PARD3: variants seen among roughly 807,000 people sequenced by gnomAD.
PARD3 encodes the protein par-3 family cell polarity regulator, also known as partitioning defective 3 homolog.
In PARD3, 75 loss-of-function variants were observed where a neutral mutation model predicts 155.4. That is an observed-to-expected ratio of 0.48 (90% CI 0.40 to 0.58). PARD3 has a LOEUF of 0.58. Among genes scored for constraint, PARD3 ranks in the 20% least tolerant of loss-of-function variants. PARD3 has a pLI of 0.00. For synonymous variants in PARD3, 576 were observed against 610.5 expected (o/e 0.94, Z 0.83); for missense variants, 1,642 against 1,721.7 (o/e 0.95, Z 0.82).
At chr10:34,483,482 C>CAAA (rs35352038) in intron 3 of PARD3, among the ~76,000 whole-genome samples, 571 of 50,382 alleles carry the variant, frequency 0.011, 6 homozygotes, top group African/African-American at 0.037. Context: ...ACTCTGTCAC[C>CAAA]AAAAAAAAAA....
intron 1 of PARD3, among the ~76,000 whole-genome samples, chr10:34,719,608 T>C (rs1010564168): frequency 6.6e-6 from 1 of 152,146 alleles, no homozygotes; most frequent in African/African-American, 2.4e-5. Flanking sequence ...CACCTACCTT[T>C]TTAGTTAGAC....
chr10:34,382,690 A>C lies in PARD3; in HGVS notation c.1249T>G (p.Ser417Ala). The C allele has an allele frequency of 1.2e-6, 2 of 1,614,018 alleles. No homozygotes were observed. Among genetic ancestry groups the C allele is most frequent in the Non-Finnish European group, 1.7e-6 (2 of 1,180,008 alleles). Reference protein sequence around the residue: ...RLNHPPEQIDSHSRLPHSAHP... With the variant: ...RLNHPPEQIDAHSRLPHSAHP... Reference sequence around the variant, plus strand: ...GCGCTATGAGGTAGTCTTGAGTGAGAGTCTATCTGCTCAGGCGGGTGGTTC... The same window carrying C: ...GCGCTATGAGGTAGTCTTGAGTGAGCGTCTATCTGCTCAGGCGGGTGGTTC... Residue 417 changes from serine to alanine, a missense_variant, in exon 9 of 25, where the codon TCT becomes GCT. By Grantham distance (99) the Ser-to-Ala change is moderately conservative. Coordinates refer to ENST00000374788, the MANE Select transcript of PARD3 (RefSeq NM_001184785.2).
In PARD3 at chr10:34,768,130, T is replaced by C. The variant is rs149957428; in HGVS notation, c.120+46746A>G. ...GATATTCTACTGTCCAAGTTCTCCA[T>C]ACATGAGCCTGTGAACTCCAAAAAT... On this transcript the variant is annotated intron_variant, in intron 1 of 24. Transcript: ENST00000374788. Among the ~76,000 whole-genome samples the C allele has an allele frequency of 9.6e-3, 1,456 of 152,232 alleles. 20 individuals carry two copies. The highest frequency in any genetic ancestry group is 0.032 in the African/African-American group (1,339 of 41,540).
At chr10:34,489,818 T>C (rs899008931) in intron 3 of PARD3, among the ~76,000 whole-genome samples, 2 of 152,264 alleles carry the variant, frequency 1.3e-5, no homozygotes, top group Admixed American at 1.3e-4. Flanking sequence ...CTTAATGTCA[T>C]GACTGATCAA....
At chr10:34,601,784 C>T (rs1320096250) in intron 2 of PARD3, among the ~76,000 whole-genome samples, 2 of 152,136 alleles carry the variant, frequency 1.3e-5, no homozygotes, top group East Asian at 1.9e-4. Context: ...AGAAATACAA[C>T]TTATTTCCAT....
rs1473603869 is a variant in PARD3, at chr10:34,317,218, G to A, written c.2954C>T (p.Thr985Ile). ...MNGNQEKGDK[T>I]DRKKDKTGKE... ...TCCAGTTTTATCCTTTTTTCTATCAGTCTTATCACCTTTCTCTTGGTTTCC... is the reference window on the plus strand; with the variant it reads ...TCCAGTTTTATCCTTTTTTCTATCAATCTTATCACCTTTCTCTTGGTTTCC... Residue 985 changes from threonine (T) to isoleucine (I), a missense_variant, in exon 20 of 25, where the codon ACT (threonine) becomes ATT (isoleucine). Around this residue, in one of 3 missense-constraint regions of PARD3, gnomAD observed 1,529 missense variants for 1,587.3 expected, o/e 0.96. Coordinates refer to ENST00000374788, the MANE Select transcript of PARD3 (RefSeq NM_001184785.2). 3 of 1,612,854 alleles carry A rather than the reference G, an allele frequency of 1.9e-6. No individual in the cohort carries two copies. Among genetic ancestry groups the A allele is most frequent in the African/African-American group, 1.3e-5 (1 of 74,646 alleles).
At chr10:34,175,221 A>G (rs1457537857) in intron 22 of PARD3, among the ~76,000 whole-genome samples, 28 of 152,216 alleles carry the variant, frequency 1.8e-4, no homozygotes, top group Non-Finnish European at 8.8e-5. Context: ...TGGAGAGCTA[A>G]GCATCGAGCA....
intron 14 of PARD3, among the ~76,000 whole-genome samples, chr10:34,357,112 G>A (rs940608921): frequency 7.9e-5 from 12 of 152,234 alleles, no homozygotes; most frequent in African/African-American, 2.9e-4. Flanking sequence ...TAAAATCAGT[G>A]CTTTTATCAA....
At chr10:34,415,967 G>C (rs1306280775) in intron 5 of PARD3, among the ~76,000 whole-genome samples, 1 of 152,188 alleles carries the variant, frequency 6.6e-6, no homozygotes, top group Non-Finnish European at 1.5e-5. Context: ...AGTGGTCATA[G>C]ATTTAAAAGC....
chr10:34,349,539 A>AAC (rs1837780318), intron 14 of PARD3, among the ~76,000 whole-genome samples: 1 of 144,704 alleles, frequency 6.9e-6, no homozygotes, highest in South Asian at 2.3e-4. Flanking sequence ...AACAGTTTCT[A>AAC]AAAGAATGTA....
At chr10:34,622,887 T>A (rs1266314873) in intron 2 of PARD3, among the ~76,000 whole-genome samples, 1 of 149,784 alleles carries the variant, frequency 6.7e-6, no homozygotes, top group Non-Finnish European at 1.5e-5. Context: ...TTTCTTATAA[T>A]CCTCCTGAAG....
rs376695155 is a variant in PARD3 at position 34,384,046 on chromosome 10, G to A, written c.1016+83C>T. The A allele has an allele frequency of 5.8e-6, 8 of 1,369,826 alleles. No individual in the cohort carries two copies. In the East Asian group the frequency reaches 1.6e-4, roughly 28 times the overall value. The allele number at this position is 1,369,826 out of a possible 1,614,324, so 84.9% of individuals were successfully genotyped here. A position where few individuals can be genotyped will look rare whatever the true frequency, so the allele number is the denominator to read the frequency against. Reference sequence around the variant, plus strand: ...CTCCAGTATACAGACTGAGATCACAGACATGTTTGAAGCATTTCAACTGAC... The same window carrying A: ...CTCCAGTATACAGACTGAGATCACAAACATGTTTGAAGCATTTCAACTGAC... On this transcript the variant is annotated intron_variant, in intron 8 of 24. Coordinates refer to ENST00000374788, the MANE Select transcript of PARD3 (RefSeq NM_001184785.2).
intron 2 of PARD3, among the ~76,000 whole-genome samples, chr10:34,693,244 A>G (rs902635263): frequency 1.3e-5 from 2 of 152,228 alleles, no homozygotes; most frequent in Non-Finnish European, 2.9e-5. Context: ...CAATCCCATT[A>G]CTGTGTATAT....
At chr10:34,321,111 T>C (rs1030123924) in intron 19 of PARD3, among the ~76,000 whole-genome samples, 1 of 152,184 alleles carries the variant, frequency 6.6e-6, no homozygotes, top group African/African-American at 2.4e-5. Flanking sequence ...GAAAAAAATA[T>C]ACATATTCAA....
At chr10:34,328,411 A>G (rs892925045) in intron 19 of PARD3, among the ~76,000 whole-genome samples, 6 of 152,154 alleles carry the variant, frequency 3.9e-5, no homozygotes, top group African/African-American at 1.4e-4. Flanking sequence ...GGAATGTTAA[A>G]CTAGGAAGGA....
chr10:34,617,171 C>G (rs2091313270), intron 2 of PARD3, among the ~76,000 whole-genome samples: 1 of 151,058 alleles, frequency 6.6e-6, no homozygotes, highest in Non-Finnish European at 1.5e-5. Context: ...AGGAGAATCA[C>G]TTGAACACGG....
At chr10:34,478,823 G>T (rs979577726) in intron 3 of PARD3, among the ~76,000 whole-genome samples, 2 of 152,100 alleles carry the variant, frequency 1.3e-5, no homozygotes, top group Admixed American at 1.3e-4. Flanking sequence ...GATTACAGGC[G>T]TGAATATATG....
At chr10:34,192,188 C>A (rs1034003858) in intron 22 of PARD3, among the ~76,000 whole-genome samples, 3 of 152,054 alleles carry the variant, frequency 2.0e-5, no homozygotes, top group African/African-American at 7.2e-5. Context: ...CCACCTTAGC[C>A]TCCTGAGTAG....
intron 3 of PARD3, among the ~76,000 whole-genome samples, chr10:34,481,376 T>A (rs1015385074): frequency 7.9e-5 from 12 of 152,182 alleles, no homozygotes; most frequent in African/African-American, 2.4e-4. Context: ...AGCCTTTGAC[T>A]TCTCTCTTCC....
Sources: allele counts gnomAD v4.1 joint callset (sites outside exome capture counted in the v4.1 genomes callset), GRCh38; gene constraint gnomAD v4.1.1; regional missense constraint gnomAD v4.1.1; transcripts MANE v1.5; gene names NCBI Gene and HGNC (gene_info 2026-07-23, HGNC 2026-07-21).